RABGAP1: variants seen among roughly 807,000 people sequenced by gnomAD.
The protein encoded by RABGAP1 is rab GTPase-activating protein 1.
In RABGAP1, 23 loss-of-function variants were observed where a neutral mutation model predicts 137.6. The ratio of observed to expected loss-of-function variants is 0.17; its 90% CI spans 0.12 to 0.24. RABGAP1 has a LOEUF of 0.24. RABGAP1 is among the 10% of genes least tolerant of loss of function. The pLI, the probability that RABGAP1 is intolerant of heterozygous loss-of-function variation, is 1.00. For missense variants in RABGAP1, 906 were observed against 1,275.8 expected (o/e 0.71, Z 4.42); for synonymous variants, 451 against 450.7 (o/e 1.00, Z -0.01).
At chr9:123,052,347 GT>G (rs2132066385) in intron 13 of RABGAP1, among the ~76,000 whole-genome samples, 1 of 152,254 alleles carries the variant, frequency 6.6e-6, no homozygotes, top group South Asian at 2.1e-4. Flanking sequence ...AGACCTACAT[GT>G]TGTTACTTAA....
chr9:122,976,026 G>T (rs1835743790), intron 2 of RABGAP1, among the ~76,000 whole-genome samples: 1 of 152,288 alleles, frequency 6.6e-6, no homozygotes, highest in African/African-American at 2.4e-5. Flanking sequence ...GATAATCTGT[G>T]CTGTGAATGG....
chr9:123,007,359 G>T (rs143470841), intron 10 of RABGAP1, among the ~76,000 whole-genome samples: 1 of 147,588 alleles, frequency 6.8e-6, no homozygotes, highest in African/African-American at 2.5e-5. Flanking sequence ...ATAGGCGTGA[G>T]CTACTGAGCC....
intron 13 of RABGAP1, among the ~76,000 whole-genome samples, chr9:123,024,807 C>T (rs1236549327): frequency 1.3e-5 from 2 of 152,106 alleles, no homozygotes; most frequent in Non-Finnish European, 2.9e-5. Flanking sequence ...TATTTATGTT[C>T]TTTGTACATT....
chr9:123,097,587 G>A (rs1029164411), intron 21 of RABGAP1, among the ~76,000 whole-genome samples, 154 bp from the exon 22 acceptor site: 6 of 152,340 alleles, frequency 3.9e-5, no homozygotes, highest in Admixed American at 6.5e-5. Context: ...AGGCACTTAT[G>A]CATGAGTGTA....
chr9:123,049,259 G>T (rs746683518), intron 13 of RABGAP1, among the ~76,000 whole-genome samples: 22 of 152,136 alleles, frequency 1.4e-4, no homozygotes, highest in Non-Finnish European at 2.5e-4. Context: ...AAGGTTCTGT[G>T]ACAGTTCAAT....
At chr9:123,085,334 C>T (rs2034831511) in intron 19 of RABGAP1, among the ~76,000 whole-genome samples, 1 of 152,124 alleles carries the variant, frequency 6.6e-6, no homozygotes, top group Non-Finnish European at 1.5e-5. Context: ...GGCTTCTGTG[C>T]ATTCTTTATT....
intron 21 of RABGAP1, among the ~76,000 whole-genome samples, chr9:123,096,052 C>T (rs1433093772): frequency 6.6e-6 from 1 of 152,188 alleles, no homozygotes; most frequent in Non-Finnish European, 1.5e-5. Context: ...GTGGAGTGTA[C>T]TGTGTCAATT....
intron 13 of RABGAP1, among the ~76,000 whole-genome samples, chr9:123,064,159 G>C (rs1341046100): frequency 1.3e-5 from 2 of 152,166 alleles, no homozygotes; most frequent in Non-Finnish European, 2.9e-5. Context: ...CTCTAATTCA[G>C]TCTGGAAGCT....
rs969759946 is a variant in RABGAP1, at chr9:122,956,992, T to C, written c.-49-19T>C. The C allele has an allele frequency of 2.4e-6, 3 of 1,266,802 alleles. No individual in the cohort carries two copies. Among genetic ancestry groups the C allele is most frequent in the Middle Eastern group, 2.0e-4 (1 of 4,988 alleles). 78.5% of individuals were successfully genotyped at this position (1,266,802 alleles called of 1,614,324 possible). On this transcript the variant is annotated intron_variant, in intron 1 of 25. Transcript: ENST00000373647. ...GGCAGACATTCTATATGAGTATCTT[T>C]ATGGTTTTTGTTTTTCAGGCATTAA...
At chr9:123,014,720 G>T (rs2031086570) in intron 11 of RABGAP1, among the ~76,000 whole-genome samples, 1 of 144,614 alleles carries the variant, frequency 6.9e-6, no homozygotes. Flanking sequence ...GGAGTTCTGT[G>T]GTGCGATCTT....
At chr9:123,010,298 A>C (rs2030683956) in intron 10 of RABGAP1, 56 bp from the exon 11 acceptor site, 1 of 1,440,318 alleles carries the variant, frequency 6.9e-7, no homozygotes, top group African/African-American at 1.4e-5. Context: ...CACTGCAATT[A>C]ATTAAAAACA....
intron 1 of RABGAP1, among the ~76,000 whole-genome samples, chr9:122,946,449 C>A (rs979529293): frequency 6.6e-6 from 1 of 152,092 alleles, no homozygotes; most frequent in African/African-American, 2.4e-5. Context: ...AAGTCTTTGA[C>A]TAACCCTGCG....
intron 10 of RABGAP1, among the ~76,000 whole-genome samples, chr9:123,006,239 GA>G (rs537145340): frequency 1.3e-4 from 20 of 152,092 alleles, no homozygotes; most frequent in African/African-American, 1.9e-4. Flanking sequence ...CTCTGGATTT[GA>G]GATCATAGTT....
intron 13 of RABGAP1, among the ~76,000 whole-genome samples, chr9:123,042,678 CAA>C (rs761680544): frequency 1.3e-5 from 2 of 151,998 alleles, no homozygotes; most frequent in Non-Finnish European, 2.9e-5. Context: ...GATGAAAAAG[CAA>C]AACAGTCGGA....
At chr9:123,098,448 G>A (rs2035248630) in intron 22 of RABGAP1, among the ~76,000 whole-genome samples, 1 of 152,226 alleles carries the variant, frequency 6.6e-6, no homozygotes, top group Non-Finnish European at 1.5e-5. Context: ...TCCACAGGTT[G>A]GCTTGTACTG....
At chr9:123,062,627 T>C (rs1038867334) in intron 13 of RABGAP1, 1 of 152,192 alleles carries the variant, frequency 6.6e-6, no homozygotes, top group African/African-American at 2.4e-5. Context: ...AAAATGACCT[T>C]CTTTTAAGGG....
intron 13 of RABGAP1, among the ~76,000 whole-genome samples, chr9:123,025,546 T>TTTTTTTG (rs905064725): frequency 2.8e-5 from 4 of 143,250 alleles, no homozygotes; most frequent in African/African-American, 1.0e-4. Context: ...TTCTTTTCTT[T>TTTTTTTG]TTTTTTTTTT....
chr9:123,098,858 A>ATG, intron 23 of RABGAP1, 60 bp downstream of exon 23: 1 of 1,178,670 alleles, frequency 8.5e-7, no homozygotes, highest in Non-Finnish European at 1.2e-6. Flanking sequence ...TCTGGATAAA[A>ATG]TGTATACCCG....
intron 17 of RABGAP1, 98 bp downstream of exon 17, chr9:123,074,526 G>A (rs894392964): frequency 8.4e-6 from 11 of 1,308,200 alleles, no homozygotes; most frequent in Non-Finnish European, 1.1e-5. Flanking sequence ...AACAGAATTG[G>A]TCTCTTTAAT....
Sources: allele counts gnomAD v4.1 joint callset (sites outside exome capture counted in the v4.1 genomes callset), GRCh38; gene constraint gnomAD v4.1.1; transcripts MANE v1.5; gene names NCBI Gene and HGNC (gene_info 2026-07-23, HGNC 2026-07-21).